The following CACNA1H variants were observed in gnomAD, a reference collection of about 807,000 sequenced individuals.
The protein encoded by CACNA1H is calcium voltage-gated channel subunit alpha1 H, also known as voltage-dependent T-type calcium channel subunit alpha-1H.
A neutral mutation model predicts 192.5 loss-of-function variants in CACNA1H; 149 were observed. That is an observed-to-expected ratio of 0.77 (90% CI 0.68 to 0.89). The LOEUF is 0.89. CACNA1H is among the 40% of genes least tolerant of loss of function. The pLI is 0.00. For missense variants in CACNA1H, 4,257 were observed against 3,423.5 expected (o/e 1.24, Z -6.08); for synonymous variants, 2,202 against 1,475.2 (o/e 1.49, Z -11.29).
chr16:1,199,558 A>G (rs1029723348), intron 6 of CACNA1H, among the ~76,000 whole-genome samples: 1 of 145,296 alleles, frequency 6.9e-6, no homozygotes, highest in Non-Finnish European at 1.5e-5. Flanking sequence ...TAGTCCCAAC[A>G]CTTCATCCCC....
intron 2 of CACNA1H, among the ~76,000 whole-genome samples, chr16:1,188,557 G>T (rs1014697917): frequency 7.9e-5 from 12 of 152,204 alleles, no homozygotes; most frequent in Non-Finnish European, 1.5e-5. Flanking sequence ...TCACCCAGCC[G>T]CGGGAATGCA....
intron 6 of CACNA1H, among the ~76,000 whole-genome samples, 161 bp from the exon 7 acceptor site, chr16:1,200,095 C>G (rs142920731): frequency 6.6e-6 from 1 of 152,106 alleles, no homozygotes; most frequent in Non-Finnish European, 1.5e-5. Context: ...CTATCATGCC[C>G]CCTGACCCTA....
At chr16:1,163,467 C>T (rs76035301) in intron 2 of CACNA1H, among the ~76,000 whole-genome samples, 2,897 of 152,344 alleles carry the variant, frequency 0.019, 83 homozygotes, top group African/African-American at 0.064. Context: ...CCACACACAG[C>T]CCGGCCTGCC....
At position 1,199,638 on chromosome 16, in the gene CACNA1H, C is replaced by T. The variant is rs941173392; in HGVS notation, c.804-618C>T. On this transcript the variant is annotated intron_variant, in intron 6 of 34. Coordinates refer to ENST00000348261, the MANE Select transcript of CACNA1H (RefSeq NM_021098.3). ...CTCGGCCCTTGCTCTGCAGTCTCTC[C>T]TCAGCCCTCACCCCGGGGTCCCCTC... is the stretch of plus-strand genomic sequence containing the variant. Among the ~76,000 whole-genome samples the T allele has an allele frequency of 5.4e-5, 8 of 149,264 alleles. No individual in the cohort carries two copies. The South Asian group carries it at 1.1e-3, about 20-fold the overall frequency.
At position 1,210,591 on chromosome 16, in the gene CACNA1H, C is replaced by G. The variant is rs1212594226; in HGVS notation, c.3978C>G (p.Val1326=). ...PDIDPGSTER[V]FLSVSNYIFT... is the part of the protein sequence containing the mutation. ...CCGTCCTCTCCCGGCAGGAGCGGGT[C>G]TTCCTCAGCGTCTCCAATTACATCT... Residue 1326 remains valine (V), a synonymous_variant, in exon 20 of 35, where the codon GTC becomes GTG. Coordinates refer to ENST00000348261, the MANE Select transcript of CACNA1H (RefSeq NM_021098.3). 3 of 1,608,708 alleles carry G rather than the reference C, an allele frequency of 1.9e-6. No homozygotes were observed. Among genetic ancestry groups the G allele is most frequent in the Non-Finnish European group, 2.5e-6 (3 of 1,179,798 alleles).
chr16:1,202,573 G>GA (rs753891755), intron 9 of CACNA1H, 121 bp downstream of exon 9: 22 of 891,976 alleles, frequency 2.5e-5, no homozygotes, highest in South Asian at 3.8e-5. Context: ...TTTGACTTGT[G>GA]AAACAGACCA....
chr16:1,212,855 T>C (rs4984769), intron 26 of CACNA1H, among the ~76,000 whole-genome samples: 130,565 of 152,298 alleles, frequency 0.86, 56,192 homozygotes, highest in East Asian at 1. Flanking sequence ...CCGCGGGCCC[T>C]CTCCGGCTGC....
intron 2 of CACNA1H, among the ~76,000 whole-genome samples, chr16:1,154,652 A>T (rs1410745366): frequency 6.6e-6 from 1 of 152,072 alleles, no homozygotes; most frequent in Non-Finnish European, 1.5e-5. Flanking sequence ...GCGCAGCTGA[A>T]GGGTAGGGGG....
intron 2 of CACNA1H, among the ~76,000 whole-genome samples, chr16:1,185,515 G>A (rs905712050): frequency 5.2e-4 from 72 of 137,246 alleles, no homozygotes; most frequent in African/African-American, 1.8e-3. Flanking sequence ...CCCCCCCGCC[G>A]AGTCTGCTTT....
At position 1,202,379 on chromosome 16, in the gene CACNA1H, C is replaced by G. The variant is rs370266192; in HGVS notation, c.1929C>G (p.Thr643=). 7 of 1,551,694 alleles carry G rather than the reference C, an allele frequency of 4.5e-6. No individual in the cohort carries two copies. In the South Asian group the frequency reaches 8.4e-5, roughly 19 times the overall value. Residue 643 remains threonine, a synonymous_variant, in exon 9 of 35, where the codon ACC becomes ACG. Coordinates refer to ENST00000348261, the MANE Select transcript of CACNA1H (RefSeq NM_021098.3). Reference sequence around the variant, plus strand: ...AGTGGGCCGGTGGACCGCCAGGCACCGGGGGGCACGGCCCGTTGAGCTTGA... The same window carrying G: ...AGTGGGCCGGTGGACCGCCAGGCACGGGGGGGCACGGCCCGTTGAGCTTGA... ...KGKWAGGPPG[T]GGHGPLSLNS...
At chr16:1,177,433 C>T (rs1472696248) in intron 2 of CACNA1H, among the ~76,000 whole-genome samples, 2 of 152,220 alleles carry the variant, frequency 1.3e-5, no homozygotes, top group Non-Finnish European at 2.9e-5. Context: ...GCCGTCGCCC[C>T]GGAGTCCCCC....
chr16:1,196,172 G>T, intron 5 of CACNA1H, 149 bp downstream of exon 5: 1 of 652,354 alleles, frequency 1.5e-6, no homozygotes, highest in Non-Finnish European at 2.7e-6. Flanking sequence ...CAGCAGTGGG[G>T]TGGCCCCTGC....
rs189321882 is a variant in CACNA1H, at chr16:1,221,495, C to T, written c.*501C>T. 8.8e-3 allele frequency: 3,375 copies of T among 381,404 alleles called. 33 individuals are homozygous for T. Among genetic ancestry groups the T allele is most frequent in the Middle Eastern group, 0.022 (32 of 1,430 alleles). The allele number at this position is 381,404 out of a possible 1,614,324, so 23.6% of individuals were successfully genotyped here. ...CCTCCCCTTCCAGCCACCACCCTTT[C>T]CGTTCCGCTCGGGCCTTCCCAGAAG... On this transcript the variant is annotated 3_prime_UTR_variant, in exon 35 of 35. Coordinates refer to ENST00000348261, the MANE Select transcript of CACNA1H (RefSeq NM_021098.3).
rs61319429 is a variant in CACNA1H, at chr16:1,209,297, C to G, written c.3629C>G (p.Pro1210Arg). ...CGGCCCCTGCGGCCGGCCGCCCTCC[C>G]GCCTACCAAGTGCCGCGATCGCGAC... ...DPRPLRPAAL[P>R]PTKCRDRDGQ... Residue 1210 changes from proline to arginine, a missense_variant, in exon 17 of 35, where the codon CCG becomes CGG. By Grantham distance (103) the Pro-to-Arg change is moderately radical (BLOSUM62 -2). Transcript: ENST00000348261. The G allele has an allele frequency of 1.3e-6, 2 of 1,588,818 alleles. No homozygotes were observed. Among genetic ancestry groups the G allele is most frequent in the Non-Finnish European group, 8.5e-7 (1 of 1,174,566 alleles).
chr16:1,177,202 C>T (rs185847485), intron 2 of CACNA1H, among the ~76,000 whole-genome samples: 1 of 152,196 alleles, frequency 6.6e-6, no homozygotes, highest in Non-Finnish European at 1.5e-5. Flanking sequence ...CTAAGTGACA[C>T]AGGCTGGATG....
At chr16:1,208,258 T>G in intron 16 of CACNA1H, 37 bp downstream of exon 16, 1 of 1,475,772 alleles carries the variant, frequency 6.8e-7, no homozygotes, top group Non-Finnish European at 9.2e-7. Context: ...TCAGGCCCCT[T>G]CAGGTTTTCC....
At chr16:1,209,519 G>T (rs1436493226) in intron 17 of CACNA1H, 107 bp downstream of exon 17, 11 of 1,369,640 alleles carry the variant, frequency 8.0e-6, no homozygotes, top group East Asian at 2.4e-5. Context: ...TTGACTGAGG[G>T]GATTCAGAAG....
Position 1,180,833 on chromosome 16 carries a change from C to T in CACNA1H, c.300-14139C>T, listed in dbSNP as rs7187681. On this transcript the variant is annotated intron_variant, in intron 2 of 34. Transcript: ENST00000348261. This position sits in a 1 kb window ranked among gnomAD's most constrained non-coding sequence, Gnocchi z 4.4. Reference sequence around the variant, plus strand: ...CAGCCCTGGTCCACAGCCACCCCGCCCTGGACTCCCCGGGCCAGCACCCGA... The same window carrying T: ...CAGCCCTGGTCCACAGCCACCCCGCTCTGGACTCCCCGGGCCAGCACCCGA... Among the ~76,000 whole-genome samples the T allele has an allele frequency of 0.027, 4,080 of 152,262 alleles. 133 individuals are homozygous for T. The highest frequency in any genetic ancestry group is 0.072 in the African/African-American group (2,983 of 41,538).
chr16:1,206,304 C>G lies in CACNA1H; in HGVS notation c.2789+15C>G, dbSNP rs768225026. ...TTCATCTTCAGGTGGGCGCAACCCCCCTCCCGGCCCGCCCAGTGTCTCACC... is the reference window on the plus strand; with the variant it reads ...TTCATCTTCAGGTGGGCGCAACCCCGCTCCCGGCCCGCCCAGTGTCTCACC... On this transcript the variant is annotated intron_variant, in intron 12 of 34. Transcript: ENST00000348261. 4 of 1,547,238 alleles carry G rather than the reference C, an allele frequency of 2.6e-6. No homozygotes were observed. Among genetic ancestry groups the G allele is most frequent in the East Asian group, 2.4e-5 (1 of 40,994 alleles).
Sources: allele counts gnomAD v4.1 joint callset (sites outside exome capture counted in the v4.1 genomes callset), GRCh38; gene constraint gnomAD v4.1.1; non-coding constraint Gnocchi (gnomAD v3.1); transcripts MANE v1.5; gene names NCBI Gene and HGNC (gene_info 2026-07-23, HGNC 2026-07-21).